Variants in CSMD1 observed in about 807,000 individuals in gnomAD.
CSMD1 encodes the protein CUB and sushi domain-containing protein 1.
A neutral mutation model predicts 417.5 loss-of-function variants in CSMD1; 213 were observed. The observed-to-expected ratio is 0.51, with a 90% confidence interval of 0.46 to 0.57. CSMD1 has a LOEUF of 0.57. CSMD1 is among the 20% of genes least tolerant of loss of function. The pLI, the probability that CSMD1 is intolerant of heterozygous loss-of-function variation, is 0.00. For missense variants in CSMD1, 6,923 were observed against 4,529.7 expected, an observed-to-expected ratio of 1.53 and a Z score of -15.17; for synonymous variants, 2,862 against 1,736.8, an observed-to-expected ratio of 1.65 and a Z score of -16.11.
chr8:3,279,591 A>G (rs1397500120), intron 26 of CSMD1, among the ~76,000 whole-genome samples: 1 of 152,112 alleles, frequency 6.6e-6, no homozygotes, highest in Admixed American at 6.5e-5. Flanking sequence ...GGAAGAAGGG[A>G]TTATATTAGT....
At chr8:4,118,702 G>A (rs1034894097) in intron 3 of CSMD1, among the ~76,000 whole-genome samples, 6 of 152,108 alleles carry the variant, frequency 3.9e-5, no homozygotes, top group African/African-American at 1.4e-4. Context: ...CAAGGATCTA[G>A]AACTAGAAAT....
intron 5 of CSMD1, among the ~76,000 whole-genome samples, chr8:3,796,588 T>C (rs955175705): frequency 2.7e-5 from 4 of 146,708 alleles, no homozygotes; most frequent in African/African-American, 7.4e-5. Flanking sequence ...ATATAATATA[T>C]AGATATATAT....
chr8:4,457,068 A>C (rs1436464948), intron 2 of CSMD1, among the ~76,000 whole-genome samples: 1 of 151,860 alleles, frequency 6.6e-6, no homozygotes, highest in East Asian at 1.9e-4. Context: ...GCCCCATACC[A>C]GGTGTGTCTG....
At chr8:3,360,194 G>T (rs897154720) in intron 20 of CSMD1, among the ~76,000 whole-genome samples, 2 of 152,162 alleles carry the variant, frequency 1.3e-5, no homozygotes, top group African/African-American at 4.8e-5. Flanking sequence ...TAGTAGACAA[G>T]ATTTTGTACT....
At chr8:3,309,310 A>G (rs1369201131) in intron 23 of CSMD1, among the ~76,000 whole-genome samples, 2 of 150,218 alleles carry the variant, frequency 1.3e-5, no homozygotes, top group Non-Finnish European at 3.0e-5. Flanking sequence ...CAAGATGTCA[A>G]CTTCATGGGA....
intron 1 of CSMD1, among the ~76,000 whole-genome samples, chr8:4,857,680 C>T: frequency 6.6e-6 from 1 of 152,100 alleles, no homozygotes; most frequent in East Asian, 1.9e-4. Context: ...TGGATAAATT[C>T]CTGGACACAT....
At chr8:4,349,200 A>C (rs747804352) in intron 3 of CSMD1, among the ~76,000 whole-genome samples, 3 of 152,234 alleles carry the variant, frequency 2.0e-5, no homozygotes, top group Non-Finnish European at 2.9e-5. Context: ...GAAGATTTTA[A>C]TCAGAATGAC....
chr8:3,697,828 A>T (rs1014933500), intron 7 of CSMD1, among the ~76,000 whole-genome samples: 4 of 152,170 alleles, frequency 2.6e-5, no homozygotes, highest in Non-Finnish European at 4.4e-5. Context: ...TAGGTCTGCC[A>T]TCATCTCCAG....
chr8:3,499,955 G>A (rs1796527428), intron 10 of CSMD1, among the ~76,000 whole-genome samples: 2 of 152,074 alleles, frequency 1.3e-5, no homozygotes, highest in African/African-American at 2.4e-5. Flanking sequence ...AGTCATGTGG[G>A]CTGCAGGTAG....
chr8:4,362,504 C>G (rs780250064), intron 3 of CSMD1, among the ~76,000 whole-genome samples: 1 of 152,166 alleles, frequency 6.6e-6, no homozygotes, highest in Non-Finnish European at 1.5e-5. Flanking sequence ...CCTCATTTGT[C>G]TGCTTAATTT....
intron 50 of CSMD1, among the ~76,000 whole-genome samples, chr8:3,047,003 T>C (rs1410483775): frequency 6.6e-6 from 1 of 151,374 alleles, no homozygotes; most frequent in South Asian, 2.1e-4. Flanking sequence ...AAGTCAGGAG[T>C]TTGAGACCAG....
intron 31 of CSMD1, among the ~76,000 whole-genome samples, chr8:3,204,725 A>G (rs966840400): frequency 6.6e-6 from 1 of 152,218 alleles, no homozygotes; most frequent in Non-Finnish European, 1.5e-5. Flanking sequence ...CCTGCTTTAT[A>G]TGCAGAGTGA....
chr8:3,816,048 T>C (rs954749744), intron 5 of CSMD1, among the ~76,000 whole-genome samples: 1 of 152,194 alleles, frequency 6.6e-6, no homozygotes, highest in Non-Finnish European at 1.5e-5. Flanking sequence ...TCCCCGTGGG[T>C]TGGTTCTGAT....
chr8:4,707,576 C>T (rs1808020195), intron 1 of CSMD1, among the ~76,000 whole-genome samples: 1 of 152,014 alleles, frequency 6.6e-6, no homozygotes, highest in Non-Finnish European at 1.5e-5. Flanking sequence ...CAGGTTTTTA[C>T]TGCAAACGAG....
In CSMD1 at chr8:3,945,766, G is replaced by C. The variant is rs116689195; in HGVS notation, c.818+52137C>G. Among the ~76,000 whole-genome samples the C allele has an allele frequency of 3.6e-3, 541 of 152,178 alleles. 6 individuals carry two copies. Among genetic ancestry groups the C allele is most frequent in the African/African-American group, 0.013 (525 of 41,540 alleles). On this transcript the variant is annotated intron_variant, in intron 5 of 69. Transcript: ENST00000635120. ...AAAACCAAGAAATGGGCTGGAACTG[G>C]AGATATGAAAGTAGATGAGAAGCAA...
At chr8:4,949,122 G>C (rs2117273853) in intron 1 of CSMD1, among the ~76,000 whole-genome samples, 1 of 152,114 alleles carries the variant, frequency 6.6e-6, no homozygotes, top group Middle Eastern at 3.4e-3. Context: ...AAATGGTAAA[G>C]GTTTTCTGAT....
chr8:3,999,605 A>C (rs956586830), intron 4 of CSMD1, among the ~76,000 whole-genome samples: 14 of 152,134 alleles, frequency 9.2e-5, no homozygotes, highest in African/African-American at 2.2e-4. Flanking sequence ...TTGACAGCAC[A>C]CGGTTTTTGT....
At chr8:4,418,817 A>G (rs909426318) in intron 3 of CSMD1, among the ~76,000 whole-genome samples, 1 of 152,176 alleles carries the variant, frequency 6.6e-6, no homozygotes, top group Admixed American at 6.6e-5. Flanking sequence ...CTTAAAGGTG[A>G]TAGACCCTTT....
intron 5 of CSMD1, among the ~76,000 whole-genome samples, chr8:3,867,575 T>C (rs1458951817): frequency 6.6e-6 from 1 of 152,140 alleles, no homozygotes; most frequent in Non-Finnish European, 1.5e-5. Flanking sequence ...TAATGAACTG[T>C]GTGGATATCT....
Sources: allele counts gnomAD v4.1 joint callset (sites outside exome capture counted in the v4.1 genomes callset), GRCh38; gene constraint gnomAD v4.1.1; transcripts MANE v1.5; gene names NCBI Gene and HGNC (gene_info 2026-07-23, HGNC 2026-07-21).